Variants in COL28A1 observed in about 807,000 individuals in gnomAD.
The protein encoded by COL28A1 is collagen type XXVIII alpha 1 chain.
Under a neutral mutation model 150.2 loss-of-function variants are expected in COL28A1, and 161 were observed. The observed-to-expected ratio is 1.07, with a 90% CI of 0.94 to 1.22. COL28A1 has a LOEUF of 1.22. Ranked by LOEUF, COL28A1 falls within the 50% of genes most tolerant of loss-of-function variation. The pLI, the probability that COL28A1 is intolerant of heterozygous loss-of-function variation, is 0.00. For missense variants in COL28A1, 1,617 were observed against 1,388.3 expected, an observed-to-expected ratio of 1.16 and a Z score of -2.62; for synonymous variants, 552 against 469.7, an observed-to-expected ratio of 1.18 and a Z score of -2.26.
intron 28 of COL28A1, 97 bp downstream of exon 28, chr7:7,381,447 G>A (rs1781865647): frequency 2.5e-6 from 2 of 808,090 alleles, no homozygotes; most frequent in Admixed American, 2.3e-5. Flanking sequence ...GAGTTGTAAG[G>A]GGAAGAGTGA....
At chr7:7,340,690 CTG>C in the COL28A1 span, among the ~76,000 whole-genome samples, 1 of 151,948 alleles carries the variant, frequency 6.6e-6, no homozygotes, top group Non-Finnish European at 1.5e-5. Flanking sequence ...CATCTCTAAT[CTG>C]TGTTTTTTAT....
At chr7:7,425,811 G>A (rs919285775) in intron 25 of COL28A1, among the ~76,000 whole-genome samples, 4 of 152,292 alleles carry the variant, frequency 2.6e-5, no homozygotes, top group African/African-American at 7.2e-5. Flanking sequence ...GAGACTAAAC[G>A]ACTTGCTGAG....
At chr7:7,529,804 C>T (rs1329777826) in intron 3 of COL28A1, among the ~76,000 whole-genome samples, 1 of 152,190 alleles carries the variant, frequency 6.6e-6, no homozygotes, top group Non-Finnish European at 1.5e-5. Context: ...GGGCTGGAGC[C>T]CTCTGTTTTA....
intron 26 of COL28A1, among the ~76,000 whole-genome samples, chr7:7,418,164 C>T (rs73674539): frequency 0.034 from 5,186 of 152,236 alleles, 288 homozygotes; most frequent in African/African-American, 0.12. Context: ...TAAGCAGAGC[C>T]GCTGGGCCTA....
At chr7:7,378,818 G>A (rs1218650114) in intron 30 of COL28A1, among the ~76,000 whole-genome samples, 1 of 152,160 alleles carries the variant, frequency 6.6e-6, no homozygotes, top group Non-Finnish European at 1.5e-5. Flanking sequence ...ATTAAAGGTG[G>A]GATCTTAGGT....
intron 27 of COL28A1, among the ~76,000 whole-genome samples, chr7:7,400,375 C>G (rs754829999): frequency 6.6e-6 from 1 of 152,054 alleles, no homozygotes; most frequent in African/African-American, 2.4e-5. Flanking sequence ...CAGAGTCAGA[C>G]AGAAAAGATG....
At chr7:7,483,019 G>C (rs556442450) in intron 13 of COL28A1, among the ~76,000 whole-genome samples, 5 of 152,282 alleles carry the variant, frequency 3.3e-5, no homozygotes, top group African/African-American at 1.2e-4. Context: ...TTATAACTGA[G>C]AGACTGAGAT....
intron 28 of COL28A1, 77 bp downstream of exon 28, chr7:7,381,467 G>A (rs1002139375): frequency 2.0e-6 from 2 of 1,002,914 alleles, no homozygotes; most frequent in Non-Finnish European, 3.1e-6. Context: ...ACACATATAT[G>A]AGAGTTCTTC....
chr7:7,339,360 A>C, the COL28A1 span, among the ~76,000 whole-genome samples: 2 of 152,180 alleles, frequency 1.3e-5, no homozygotes. Context: ...TGTTTTTGCT[A>C]AGGTCTCTGT....
In COL28A1 at chr7:7,456,722, G is replaced by GTTCC. The variant is rs199527062; in HGVS notation, c.1303-614_1303-611dup. Among the ~76,000 whole-genome samples, 709 of 152,276 alleles carry GTTCC rather than the reference G, an allele frequency of 4.7e-3. 5 individuals are homozygous for GTTCC. Among genetic ancestry groups the GTTCC allele is most frequent in the East Asian group, 0.022 (115 of 5,182 alleles). ...GAGTGCCCATTATAAGCCAGAAAGT[G>GTTCC]TTCCAAACACTAGGAAAACAACAGT... On this transcript the variant is annotated intron_variant, in intron 15 of 34. Transcript: ENST00000399429.
intron 8 of COL28A1, among the ~76,000 whole-genome samples, chr7:7,513,122 C>T (rs1389736528): frequency 6.6e-6 from 1 of 152,214 alleles, no homozygotes; most frequent in East Asian, 1.9e-4. Flanking sequence ...GTTTCAACAG[C>T]AGTGCTCTAT....
Position 7,489,383 on chromosome 7 carries a change from A to G in COL28A1, c.1164+6T>C. On this transcript the variant is annotated splice_donor_region_variant and intron_variant, in intron 13 of 34. Coordinates refer to ENST00000399429, the MANE Select transcript of COL28A1 (RefSeq NM_001037763.3). ...TTTCATTCCATCTAGAATTTTTGCT[A>G]CTTACTGGCTGTCCAGGCTCACCAA... 8.1e-7 allele frequency: 1 copy of G among 1,235,192 alleles called. No individual in the cohort carries two copies. The highest frequency in any genetic ancestry group is 1.2e-5 in the South Asian group (1 of 83,658). 76.5% of individuals were successfully genotyped at this position (1,235,192 alleles called of 1,614,324 possible).
At chr7:7,420,909 T>C (rs1428673941) in intron 25 of COL28A1, among the ~76,000 whole-genome samples, 1 of 152,240 alleles carries the variant, frequency 6.6e-6, no homozygotes, top group African/African-American at 2.4e-5. Flanking sequence ...TAATTGCTGG[T>C]GCAGCCACTT....
the COL28A1 span, among the ~76,000 whole-genome samples, chr7:7,347,501 C>T: frequency 6.6e-6 from 1 of 152,062 alleles, no homozygotes; most frequent in Admixed American, 6.6e-5. Flanking sequence ...CTGGCTACCT[C>T]CTTTTTGCAC....
chr7:7,346,729 C>T, the COL28A1 span, among the ~76,000 whole-genome samples: 6 of 151,910 alleles, frequency 3.9e-5, no homozygotes, highest in Middle Eastern at 3.4e-3. Flanking sequence ...CATTTAAGCT[C>T]AAGGTAAAAC....
chr7:7,493,800 C>T lies in COL28A1; in HGVS notation c.1027-3154G>A, dbSNP rs529682539. On this transcript the variant is annotated intron_variant, in intron 11 of 34. Transcript: ENST00000399429. Reference sequence around the variant, plus strand: ...TCTAGTCAGAATAGCCCTGGTAAGACGGCAGGCATGATTCCTTTCCTGTTA... The same window carrying T: ...TCTAGTCAGAATAGCCCTGGTAAGATGGCAGGCATGATTCCTTTCCTGTTA... 2.3e-4 allele frequency among the ~76,000 whole-genome samples: 35 copies of T among 152,056 alleles called. No individual in the cohort carries two copies. In the East Asian group the frequency reaches 3.1e-3, roughly 13 times the overall value.
chr7:7,506,024 TG>T lies in COL28A1; in HGVS notation c.1015del (p.Gln339LysfsTer99). 7.0e-7 allele frequency: 1 copy of T among 1,421,792 alleles called. No individual in the cohort carries two copies. The highest frequency in any genetic ancestry group is 1.0e-6 in the Non-Finnish European group (1 of 1,004,396). 88.1% of individuals were successfully genotyped at this position (1,421,792 alleles called of 1,614,324 possible). A position where few individuals can be genotyped will look rare whatever the true frequency, so the allele number is the denominator to read the frequency against. On this transcript the variant is annotated frameshift_variant, in exon 11 of 35. Transcript: ENST00000399429. LOFTEE classifies it high-confidence loss of function. Reference protein sequence around the residue: ...PPGDPGPKGFQGNKGEPGPPG... With the variant: ...PPGDPGPKGFXGNKGEPGPPG... Reference sequence around the variant, plus strand: ...AAAGGGTAAGATTACCTTATTGCCTTGAAACCCCTTTGGGCCTGGGTCTCCT... The same window carrying T: ...AAAGGGTAAGATTACCTTATTGCCTTAAACCCCTTTGGGCCTGGGTCTCCT...
At chr7:7,521,037 C>T (rs73049767) in intron 5 of COL28A1, among the ~76,000 whole-genome samples, 389 of 152,232 alleles carry the variant, frequency 2.6e-3, no homozygotes, top group Non-Finnish European at 4.8e-3. Context: ...TTGTCACATT[C>T]TAATTCATTC....
At chr7:7,491,836 T>G (rs758741568) in intron 11 of COL28A1, among the ~76,000 whole-genome samples, 1 of 152,238 alleles carries the variant, frequency 6.6e-6, no homozygotes, top group Non-Finnish European at 1.5e-5. Flanking sequence ...CATAATATTA[T>G]TTTTTTCTGT....
Sources: gnomAD v4.1 joint callset for allele counts (sites outside exome capture counted in the v4.1 genomes callset) on GRCh38, gnomAD v4.1.1 for gene constraint, MANE v1.5 for transcripts, NCBI Gene and HGNC (gene_info 2026-07-23, HGNC 2026-07-21) for gene names.